Variants in SLC37A3 observed in about 807,000 individuals in gnomAD.
SLC37A3 encodes solute carrier family 37 member 3, also known as sugar phosphate exchanger 3.
A neutral mutation model predicts 67.1 loss-of-function variants in SLC37A3; 51 were observed. The ratio of observed to expected loss-of-function variants is 0.76; its 90% CI spans 0.61 to 0.96. SLC37A3 has a LOEUF of 0.96. Ranked by LOEUF, SLC37A3 falls within the 40% of genes least tolerant of loss-of-function variation. SLC37A3 has a pLI of 0.00. For synonymous variants in SLC37A3, 214 were observed against 231.4 expected (o/e 0.92, Z 0.68); for missense variants, 508 against 603.0 (o/e 0.84, Z 1.65).
intron 1 of SLC37A3, among the ~76,000 whole-genome samples, chr7:140,383,546 G>T (rs968428862): frequency 2.0e-4 from 31 of 152,164 alleles, no homozygotes; most frequent in African/African-American, 7.5e-4. Flanking sequence ...AGGTCCCACT[G>T]CAAGACTCTG....
intron 5 of SLC37A3, among the ~76,000 whole-genome samples, chr7:140,362,785 G>GC (rs1242064950): frequency 1.4e-4 from 12 of 87,884 alleles, no homozygotes; most frequent in Non-Finnish European, 2.4e-4. Flanking sequence ...GGGGGGATCA[G>GC]CCCCCCGCCT....
chr7:140,382,449 G>A lies in SLC37A3; in HGVS notation c.78C>T (p.Leu26=). Residue 26 remains leucine (L), a synonymous_variant, in exon 2 of 15, where the codon CTC becomes CTT. Transcript: ENST00000326232. ...GGCAACATGCTTACCTGAAGAAAGT[G>A]AGCAGGAACACTACAACATGATGAT... ...FSHHHVVVFL[L]TFFSYSLLHA... is the part of the protein sequence containing the mutation. 1 of 1,614,010 alleles carries A rather than the reference G, an allele frequency of 6.2e-7. No homozygotes were observed. Among genetic ancestry groups the A allele is most frequent in the Non-Finnish European group, 8.5e-7 (1 of 1,179,918 alleles).
chr7:140,365,793 G>C (rs1797573643), intron 4 of SLC37A3, among the ~76,000 whole-genome samples: 1 of 152,070 alleles, frequency 6.6e-6, no homozygotes, highest in Non-Finnish European at 1.5e-5. Context: ...CTCATCTTAA[G>C]AGAAGCATGT....
intron 1 of SLC37A3, among the ~76,000 whole-genome samples, chr7:140,394,888 T>G (rs1563059075): frequency 6.6e-6 from 1 of 151,410 alleles, no homozygotes; most frequent in Non-Finnish European, 1.5e-5. Flanking sequence ...ATTACAGGTG[T>G]GAGCTACTGT....
intron 3 of SLC37A3, among the ~76,000 whole-genome samples, chr7:140,379,063 C>T (rs1394538045): frequency 6.6e-6 from 1 of 152,024 alleles, no homozygotes; most frequent in Non-Finnish European, 1.5e-5. Context: ...GGCACAGTGG[C>T]TCCTATCTGT....
At chr7:140,366,206 G>GC in intron 4 of SLC37A3, among the ~76,000 whole-genome samples, 1 of 151,924 alleles carries the variant, frequency 6.6e-6, no homozygotes, top group South Asian at 2.1e-4. Context: ...CAGACACCAC[G>GC]CCCAGCCAAG....
rs575251776 is a variant in SLC37A3, at chr7:140,355,667, C to A, written c.618+1G>T. The A allele has an allele frequency of 6.2e-6, 10 of 1,612,616 alleles. No homozygotes were observed. The highest frequency in any genetic ancestry group is 8.5e-6 in the Non-Finnish European group (10 of 1,178,796). On this transcript the variant is annotated splice_donor_variant, in intron 7 of 14. Coordinates refer to ENST00000326232, the MANE Select transcript of SLC37A3 (RefSeq NM_207113.3). LOFTEE classifies it high-confidence loss of function. ...CACCAGAGCTAGAAAACAATACCTACCTCATAACCATACTGAAGAACAGAA... is the reference window on the plus strand; with the variant it reads ...CACCAGAGCTAGAAAACAATACCTAACTCATAACCATACTGAAGAACAGAA...
intron 4 of SLC37A3, among the ~76,000 whole-genome samples, chr7:140,366,918 T>A (rs996436907): frequency 1.3e-5 from 2 of 152,060 alleles, no homozygotes; most frequent in Non-Finnish European, 2.9e-5. Flanking sequence ...GCGGATCATT[T>A]GAGGTCAGGA....
chr7:140,358,490 T>A (rs1215366473), intron 6 of SLC37A3, 150 bp downstream of exon 6: 3 of 1,082,302 alleles, frequency 2.8e-6, no homozygotes, highest in African/African-American at 3.1e-5. Context: ...CACACTGACG[T>A]GAAACCCTCT....
chr7:140,368,712 G>A (rs1219485799), intron 4 of SLC37A3, among the ~76,000 whole-genome samples: 14 of 152,172 alleles, frequency 9.2e-5, no homozygotes, highest in Non-Finnish European at 8.8e-5. Context: ...GAGGTCAAAT[G>A]TAATGCATCC....
At chr7:140,389,895 A>G (rs565252773) in intron 1 of SLC37A3, among the ~76,000 whole-genome samples, 13 of 152,256 alleles carry the variant, frequency 8.5e-5, no homozygotes, top group African/African-American at 3.1e-4. Context: ...CAGTAGTTCA[A>G]TATCAGCCTG....
At chr7:140,379,236 G>A (rs974213949) in intron 3 of SLC37A3, 1 of 152,198 alleles carries the variant, frequency 6.6e-6, no homozygotes, top group Non-Finnish European at 1.5e-5. Flanking sequence ...CACTTGGGGA[G>A]GCCGAGGCGG....
chr7:140,373,238 G>A (rs1243036137), intron 3 of SLC37A3, among the ~76,000 whole-genome samples: 1 of 151,568 alleles, frequency 6.6e-6, no homozygotes, highest in African/African-American at 2.4e-5. Flanking sequence ...TTACAGTAGT[G>A]AGCCACTGCA....
intron 13 of SLC37A3, among the ~76,000 whole-genome samples, chr7:140,337,995 A>C (rs1563003420): frequency 6.6e-6 from 1 of 150,700 alleles, no homozygotes; most frequent in African/African-American, 2.5e-5. Context: ...GGTTCACATC[A>C]TTCTCCTGCC....
At chr7:140,370,782 A>G (rs543477749) in intron 3 of SLC37A3, among the ~76,000 whole-genome samples, 1 of 152,330 alleles carries the variant, frequency 6.6e-6, no homozygotes, top group South Asian at 2.1e-4. Flanking sequence ...TACTTCAATT[A>G]AATCACAATG....
intron 9 of SLC37A3, among the ~76,000 whole-genome samples, chr7:140,350,626 T>C (rs1236575952): frequency 6.6e-6 from 1 of 152,082 alleles, no homozygotes; most frequent in East Asian, 1.9e-4. Context: ...TAGCCAAGCA[T>C]GGTGGCATGC....
intron 10 of SLC37A3, among the ~76,000 whole-genome samples, chr7:140,346,502 C>T (rs1796567700): frequency 6.6e-6 from 1 of 152,200 alleles, no homozygotes; most frequent in African/African-American, 2.4e-5. Context: ...GACAGCAAAA[C>T]ATGAAAAAAG....
At chr7:140,348,602 G>A (rs756572561) in intron 10 of SLC37A3, 24 bp downstream of exon 10, 16 of 1,584,936 alleles carry the variant, frequency 1.0e-5, no homozygotes, top group Non-Finnish European at 1.4e-5. Context: ...TCTTTATTAT[G>A]GAAAAGATGT....
chr7:140,376,245 TAACA>T (rs759787491), intron 3 of SLC37A3, among the ~76,000 whole-genome samples: 2 of 152,126 alleles, frequency 1.3e-5, no homozygotes, highest in Admixed American at 1.3e-4. Flanking sequence ...AAAGTAGGAC[TAACA>T]AACAGATTCA....
Sources: allele counts gnomAD v4.1 joint callset (sites outside exome capture counted in the v4.1 genomes callset), GRCh38; gene constraint gnomAD v4.1.1; transcripts MANE v1.5; gene names NCBI Gene and HGNC (gene_info 2026-07-23, HGNC 2026-07-21).